Variants in ELOVL1 observed in about 807,000 individuals in gnomAD.
ELOVL1 encodes very long chain fatty acid elongase 1.
Under a neutral mutation model 37.8 loss-of-function variants are expected in ELOVL1, and 10 were observed. That is an observed-to-expected ratio of 0.26 (90% CI 0.16 to 0.45). ELOVL1 has a LOEUF of 0.45. ELOVL1 is among the 20% of genes least tolerant of loss of function. ELOVL1 has a pLI of 1.00. For synonymous variants in ELOVL1, 133 were observed against 123.8 expected, an observed-to-expected ratio of 1.07 and a Z score of -0.49; for missense variants, 256 against 352.7, an observed-to-expected ratio of 0.73 and a Z score of 2.20.
At position 43,365,633 on chromosome 1, in the gene ELOVL1, T is replaced by A; in HGVS notation, c.-14-10A>T. 6.2e-7 allele frequency: 1 copy of A among 1,613,474 alleles called. No individual in the cohort carries two copies. Among genetic ancestry groups the A allele is most frequent in the Admixed American group, 1.7e-5 (1 of 59,962 alleles). On this transcript the variant is annotated splice_polypyrimidine_tract_variant and intron_variant, in intron 1 of 7. Transcript: ENST00000372458. ...ATCCTGGCTAAGGACTCTGGGGAGGTACAGAGGGCGGATGTCAGACAGATC... is the reference window on the plus strand; with the variant it reads ...ATCCTGGCTAAGGACTCTGGGGAGGAACAGAGGGCGGATGTCAGACAGATC...
At position 43,365,434 on chromosome 1, in the gene ELOVL1, T is replaced by C. The variant is rs1647216540; in HGVS notation, c.47-58A>G. On this transcript the variant is annotated intron_variant, in intron 2 of 7. Coordinates refer to ENST00000372458, the MANE Select transcript of ELOVL1 (RefSeq NM_022821.4). ...TCACAGGGTTCGAAGGGTCTTCATT[T>C]GAAGGGTCTACAGACATGAGGTCAG... 1.9e-6 allele frequency: 3 copies of C among 1,609,448 alleles called. No individual in the cohort carries two copies. The African/African-American group carries it at 4.0e-5, about 22-fold the overall frequency.
rs372744275 is a variant in ELOVL1 at position 43,364,254 on chromosome 1, T to C, written c.618+70A>G. The C allele has an allele frequency of 1.2e-6, 2 of 1,611,850 alleles. No individual in the cohort carries two copies. Among genetic ancestry groups the C allele is most frequent in the Non-Finnish European group, 1.7e-6 (2 of 1,178,896 alleles). The stretch of plus-strand genomic sequence containing the variant: ...AGATGGGGTCAAAGGTGAGACAGAC[T>C]GGATAAAGGCAGGATCCAGGCTAGG... On this transcript the variant is annotated intron_variant, in intron 7 of 7. Coordinates refer to ENST00000372458, the MANE Select transcript of ELOVL1 (RefSeq NM_022821.4). The surrounding 1 kb of genome is among the most constrained non-coding windows in gnomAD (Gnocchi z 5.2).
Position 43,364,892 on chromosome 1 carries a change from C to A in ELOVL1, c.318+36G>T. ...CAGGCCCCAAACTGGTCATATCTAC[C>A]AGGTTGCTTATGACCTAGCCCCAGC... On this transcript the variant is annotated intron_variant, in intron 4 of 7. Transcript: ENST00000372458. This position sits in a 1 kb window ranked among gnomAD's most constrained non-coding sequence, Gnocchi z 5.2. 1.2e-6 allele frequency: 2 copies of A among 1,613,990 alleles called. No individual in the cohort carries two copies. Among genetic ancestry groups the A allele is most frequent in the Non-Finnish European group, 1.7e-6 (2 of 1,179,910 alleles).
intron 1 of ELOVL1, chr1:43,367,680 G>T: frequency 6.5e-6 from 1 of 152,752 alleles, no homozygotes. Context: ...GGTAAATGCA[G>T]GGGTGGTGGA....
chr1:43,364,902 A>G lies in ELOVL1; in HGVS notation c.318+26T>C, dbSNP rs369065481. On this transcript the variant is annotated intron_variant, in intron 4 of 7. Transcript: ENST00000372458. This position sits in a 1 kb window ranked among gnomAD's most constrained non-coding sequence, Gnocchi z 5.2. ...ACTGGTCATATCTACCAGGTTGCTT[A>G]TGACCTAGCCCCAGCCCCTACTTAC... 5.3e-5 allele frequency: 86 copies of G among 1,614,058 alleles called. No individual in the cohort carries two copies. The African/African-American group carries it at 9.9e-4, about 19-fold the overall frequency.
At chr1:43,365,422 A>T (rs780484234) in intron 2 of ELOVL1, 46 bp from the exon 3 acceptor site, 2 of 1,609,940 alleles carry the variant, frequency 1.2e-6, no homozygotes, top group Non-Finnish European at 1.7e-6. Context: ...CAGGGTTCGA[A>T]GGGTCTTCAT....
chr1:43,365,011 G>A lies in ELOVL1; in HGVS notation c.238-3C>T, dbSNP rs199703396. 3.7e-6 allele frequency: 6 copies of A among 1,612,706 alleles called. No homozygotes were observed. In the African/African-American group the frequency reaches 8.0e-5, roughly 22 times the overall value. On this transcript the variant is annotated splice_polypyrimidine_tract_variant and splice_region_variant and intron_variant, in intron 3 of 7. Transcript: ENST00000372458. ...CTCAGCCAGCCCGACATCAGGAACT[G>A]GGAAGGGATGTGGATTAGACCACCA...
rs1469417679 is a variant in ELOVL1, at chr1:43,364,143, A to G, written c.619-6T>C. ...GAGACCAGGACAAACTGGATCTAGG[A>G]TAGAGAAAGACCAGGGTCAGAGGGA... is the stretch of plus-strand genomic sequence containing the variant. On this transcript the variant is annotated splice_region_variant and splice_polypyrimidine_tract_variant and intron_variant, in intron 7 of 7. Transcript: ENST00000372458. The surrounding 1 kb of genome is among the most constrained non-coding windows in gnomAD (Gnocchi z 5.2). 1 of 1,614,074 alleles carries G rather than the reference A, an allele frequency of 6.2e-7. No homozygotes were observed. The highest frequency in any genetic ancestry group is 1.1e-5 in the South Asian group (1 of 91,080).
In ELOVL1 at chr1:43,364,215, C is replaced by T. The variant is rs1647194625; in HGVS notation, c.619-78G>A. 39 of 1,609,074 alleles carry T rather than the reference C, an allele frequency of 2.4e-5. 2 individuals carry two copies. In the Middle Eastern group the frequency reaches 5.0e-4, roughly 21 times the overall value. On this transcript the variant is annotated intron_variant, in intron 7 of 7. Coordinates refer to ENST00000372458, the MANE Select transcript of ELOVL1 (RefSeq NM_022821.4). The surrounding 1 kb of genome is among the most constrained non-coding windows in gnomAD (Gnocchi z 5.2). ...AAGAGGGGGTAGAGAAAGAGACAAACGTTGAGTAGGGAGAGATGGGGTCAA... is the reference window on the plus strand; with the variant it reads ...AAGAGGGGGTAGAGAAAGAGACAAATGTTGAGTAGGGAGAGATGGGGTCAA...
Position 43,363,465 on chromosome 1 carries a change from C to A in ELOVL1, c.*451G>T. 2.5e-6 allele frequency: 1 copy of A among 405,190 alleles called. No individual in the cohort carries two copies. The highest frequency in any genetic ancestry group is 5.7e-5 in the East Asian group (1 of 17,538). 25.1% of individuals were successfully genotyped at this position (405,190 alleles called of 1,614,324 possible). ...TAAGCAGCCTCCACAGGCTGTATTC[C>A]CAGGCCCCCGCCCACCCTGACCTTT... On this transcript the variant is annotated 3_prime_UTR_variant, in exon 8 of 8. Coordinates refer to ENST00000372458, the MANE Select transcript of ELOVL1 (RefSeq NM_022821.4).
At chr1:43,365,660 C>T (rs1471444568) in intron 1 of ELOVL1, 37 bp from the exon 2 acceptor site, 1 of 1,594,786 alleles carries the variant, frequency 6.3e-7, no homozygotes, top group African/African-American at 1.3e-5. Flanking sequence ...AGACAGATCC[C>T]ACTGCACACC....
chr1:43,365,031 C>T lies in ELOVL1; in HGVS notation c.238-23G>A, dbSNP rs764360492. 11 of 1,608,252 alleles carry T rather than the reference C, an allele frequency of 6.8e-6. No homozygotes were observed. The African/African-American group carries it at 1.5e-4, about 22-fold the overall frequency. On this transcript the variant is annotated intron_variant, in intron 3 of 7. Coordinates refer to ENST00000372458, the MANE Select transcript of ELOVL1 (RefSeq NM_022821.4). Reference sequence around the variant, plus strand: ...GAACTGGGAAGGGATGTGGATTAGACCACCAGAGTTCTCCCTTCCCAGCCA... The same window carrying T: ...GAACTGGGAAGGGATGTGGATTAGATCACCAGAGTTCTCCCTTCCCAGCCA...
intron 1 of ELOVL1, 132 bp from the exon 2 acceptor site, chr1:43,365,755 A>T (rs1647222938): frequency 1.0e-6 from 1 of 973,458 alleles, no homozygotes; most frequent in African/African-American, 1.6e-5. Flanking sequence ...GAAAGGAAGG[A>T]ATTACTGGGA....
chr1:43,365,002 T>C lies in ELOVL1; in HGVS notation c.244A>G (p.Met82Val), dbSNP rs530810034. ...GTATAGGTGCTCAGCCAGCCCGACA[T>C]CAGGAACTGGGAAGGGATGTGGATT... ...LSLYIVYEFL[M>V]SGWLSTYTWR... The change falls in exon 4 of 8, where the codon ATG becomes GTG. Residue 82 changes from methionine (M) to valine (V), a missense_variant. Coordinates refer to ENST00000372458, the MANE Select transcript of ELOVL1 (RefSeq NM_022821.4). The C allele has an allele frequency of 3.7e-5, 60 of 1,613,394 alleles. 1 individual carries two copies. In the South Asian group the frequency reaches 6.2e-4, roughly 17 times the overall value.
At position 43,363,737 on chromosome 1, in the gene ELOVL1, GT is replaced by G; in HGVS notation, c.*178del. The G allele has an allele frequency of 1.6e-6, 1 of 617,838 alleles. No homozygotes were observed. The highest frequency in any genetic ancestry group is 2.8e-5 in the East Asian group (1 of 36,068). The allele number at this position is 617,838 out of a possible 1,614,324, so 38.3% of individuals were successfully genotyped here. A position where few individuals can be genotyped will look rare whatever the true frequency, so the allele number is the denominator to read the frequency against. On this transcript the variant is annotated 3_prime_UTR_variant, in exon 8 of 8. Coordinates refer to ENST00000372458, the MANE Select transcript of ELOVL1 (RefSeq NM_022821.4). Reference sequence around the variant, plus strand: ...CCCTGGAGCTGCCCGGGGGAAGTGGGTGAGGAACCAAAGCCGTGGTCCCTGT... The same window carrying G: ...CCCTGGAGCTGCCCGGGGGAAGTGGGGAGGAACCAAAGCCGTGGTCCCTGT...
In ELOVL1 at chr1:43,363,722, G is replaced by A. The variant is rs1334017910; in HGVS notation, c.*194C>T. The A allele has an allele frequency of 1.7e-5, 10 of 598,736 alleles. No individual in the cohort carries two copies. The highest frequency in any genetic ancestry group is 4.4e-4 in the Middle Eastern group (1 of 2,274). The allele number at this position is 598,736 out of a possible 1,614,324, so 37.1% of individuals were successfully genotyped here. ...GCAATGAGGCCACATCCCTGGAGCT[G>A]CCCGGGGGAAGTGGGTGAGGAACCA... is the stretch of plus-strand genomic sequence containing the variant. On this transcript the variant is annotated 3_prime_UTR_variant, in exon 8 of 8. Coordinates refer to ENST00000372458, the MANE Select transcript of ELOVL1 (RefSeq NM_022821.4).
chr1:43,363,960 G>A lies in ELOVL1; in HGVS notation c.796C>T (p.Gln266Ter). The change falls in exon 8 of 8, where the codon CAG (glutamine) becomes TAG (stop). Residue 266 changes from glutamine (Q) to a stop codon, truncating the protein, a stop_gained. Transcript: ENST00000372458. LOFTEE classifies it high-confidence loss of function. ...TKGKRLPRAL[Q>*]QNGAPGIAKV... ...GCAATACCTGGAGCTCCATTTTGCT[G>A]AAGTGCACGGGGCAGCCGCTTGCCC... 6.2e-7 allele frequency: 1 copy of A among 1,614,026 alleles called. No individual in the cohort carries two copies. The highest frequency in any genetic ancestry group is 8.5e-7 in the Non-Finnish European group (1 of 1,180,040).
rs1647198421 is a variant in ELOVL1, at chr1:43,364,478, G to A, written c.482-18C>T. ...CATTCCTCCTGTGAGTGGACAATAA[G>A]ACAGGGTCAGCAGAGTCCAGCCTCT... On this transcript the variant is annotated intron_variant, in intron 6 of 7. Coordinates refer to ENST00000372458, the MANE Select transcript of ELOVL1 (RefSeq NM_022821.4). The surrounding 1 kb of genome is among the most constrained non-coding windows in gnomAD (Gnocchi z 5.2). 10 of 1,614,056 alleles carry A rather than the reference G, an allele frequency of 6.2e-6. No individual in the cohort carries two copies. Among genetic ancestry groups the A allele is most frequent in the African/African-American group, 1.3e-5 (1 of 75,032 alleles).
At chr1:43,365,668 AC>A (rs1367264078) in intron 1 of ELOVL1, 45 bp from the exon 2 acceptor site, 1 of 1,580,060 alleles carries the variant, frequency 6.3e-7, no homozygotes, top group African/African-American at 1.4e-5. Context: ...CCCACTGCAC[AC>A]CCCCATCCCA....
Sources: allele counts gnomAD v4.1 joint callset, GRCh38; gene constraint gnomAD v4.1.1; non-coding constraint Gnocchi (gnomAD v3.1); transcripts MANE v1.5; gene names NCBI Gene and HGNC (gene_info 2026-07-23, HGNC 2026-07-21).